The following DCAF8L2 variants were observed in gnomAD, a reference collection of about 807,000 sequenced individuals.
The protein encoded by DCAF8L2 is DDB1- and CUL4-associated factor 8-like protein 2.
For synonymous variants in DCAF8L2, 200 were observed against 190.9 expected (o/e 1.05, Z -0.39); for missense variants, 430 against 490.7 (o/e 0.88, Z 1.17).
upstream of DCAF8L2, among the ~76,000 whole-genome samples, chrX:27,586,851 A>G (rs1348562185): frequency 1.8e-5 from 2 of 111,101 alleles, no homozygotes; most frequent in African/African-American, 6.5e-5. Context: ...TTTAACCTTA[A>G]CATGATGATG....
intron 1 of DCAF8L2, among the ~76,000 whole-genome samples, chrX:27,602,828 C>T (rs1185326994): frequency 9.0e-6 from 1 of 111,102 alleles, no homozygotes; most frequent in African/African-American, 3.3e-5. Flanking sequence ...GAACTCTTCA[C>T]TAAAAAAACA....
At chrX:27,679,403 G>A (rs1368875520) in intron 3 of DCAF8L2, among the ~76,000 whole-genome samples, 1 of 111,403 alleles carries the variant, frequency 9.0e-6, no homozygotes, top group Non-Finnish European at 1.9e-5. Flanking sequence ...TTTGGCAGGA[G>A]TAAGGCACTC....
rs1156887590 is a variant in DCAF8L2 at position 27,748,755 on chromosome X, G to A, written c.1860G>A (p.Glu620=). ...ESSSTSETSE[E]EVQDRVQCMP... Reference sequence around the variant, plus strand: ...CCAGCACTTCAGAGACATCTGAGGAGGAGGTCCAAGACCGAGTGCAGTGCA... The same window carrying A: ...CCAGCACTTCAGAGACATCTGAGGAAGAGGTCCAAGACCGAGTGCAGTGCA... The change falls in exon 5 of 5, where the codon GAG becomes GAA. Residue 620 remains glutamate (E), a synonymous_variant. Transcript: ENST00000451261. 9.1e-6 allele frequency: 11 copies of A among 1,206,204 alleles called. No individual in the cohort carries two copies. Among genetic ancestry groups the A allele is most frequent in the Non-Finnish European group, 1.2e-5 (11 of 892,502 alleles).
At chrX:27,551,686 A>G in the DCAF8L2 span, among the ~76,000 whole-genome samples, 1 of 111,356 alleles carries the variant, frequency 9.0e-6, no homozygotes, top group East Asian at 2.8e-4. Flanking sequence ...TATATCAAAT[A>G]GTATTCCATT....
the DCAF8L2 span, chrX:27,518,031 T>G: frequency 9.0e-6 from 9 of 1,004,444 alleles, no homozygotes; most frequent in East Asian, 2.7e-4. Context: ...AGCAAGATGT[T>G]AAAAAAGTGA....
chrX:27,505,710 C>T, the DCAF8L2 span, among the ~76,000 whole-genome samples: 8 of 110,989 alleles, frequency 7.2e-5, no homozygotes, highest in African/African-American at 2.6e-4. Flanking sequence ...TGTCACTAGT[C>T]GATTAGGTTA....
At chrX:27,487,234 A>G in the DCAF8L2 span, among the ~76,000 whole-genome samples, 3 of 108,459 alleles carry the variant, frequency 2.8e-5, no homozygotes, top group East Asian at 2.9e-4. Flanking sequence ...GACAAGGACA[A>G]TGTCTTCTCA....
At chrX:27,512,698 A>T in the DCAF8L2 span, among the ~76,000 whole-genome samples, 1 of 99,301 alleles carries the variant, frequency 1.0e-5, no homozygotes, top group Non-Finnish European at 2.0e-5. Context: ...AAAAAAAGAC[A>T]TTCTTCACAG....
chrX:27,647,568 A>G (rs1928988984), intron 2 of DCAF8L2, among the ~76,000 whole-genome samples: 1 of 111,845 alleles, frequency 8.9e-6, no homozygotes, highest in Non-Finnish European at 1.9e-5. Flanking sequence ...ACCTAAAAAC[A>G]TAAAATAATA....
At chrX:27,692,402 G>A (rs776875849) in intron 3 of DCAF8L2, among the ~76,000 whole-genome samples, 1 of 111,852 alleles carries the variant, frequency 8.9e-6, no homozygotes, top group Non-Finnish European at 1.9e-5. Context: ...AATTTTTGGT[G>A]TCCCAATGGG....
rs1431769234 is a variant in DCAF8L2, at chrX:27,747,253, A to C, written c.358A>C (p.Ile120Leu). ...AGAAAGGGAGGAGGAAGACGAAGAG[A>C]TACAAGAGGAGGGAGGGGAGGAGGA... ...ETEREEEDEEIQEEGGEEEEE... is the reference protein window; with the variant it reads ...ETEREEEDEELQEEGGEEEEE... Residue 120 changes from isoleucine to leucine, a missense_variant, in exon 5 of 5, where the codon ATA becomes CTA. Coordinates refer to ENST00000451261, the MANE Select transcript of DCAF8L2 (RefSeq NM_001353450.2). 6 of 1,133,234 alleles carry C rather than the reference A, an allele frequency of 5.3e-6. No individual in the cohort carries two copies. Among genetic ancestry groups the C allele is most frequent in the Non-Finnish European group, 7.0e-6 (6 of 856,180 alleles). The allele number at this position is 1,133,234 out of a possible 1,213,427, so 93.4% of individuals were successfully genotyped here. A position where few individuals can be genotyped will look rare whatever the true frequency, so the allele number is the denominator to read the frequency against.
At chrX:27,547,532 G>A in the DCAF8L2 span, among the ~76,000 whole-genome samples, 1 of 112,007 alleles carries the variant, frequency 8.9e-6, no homozygotes, top group Non-Finnish European at 1.9e-5. Context: ...GAGGCCTCAG[G>A]AAACTTACAA....
chrX:27,492,687 G>A, the DCAF8L2 span, among the ~76,000 whole-genome samples: 28 of 110,700 alleles, frequency 2.5e-4, no homozygotes, highest in African/African-American at 8.8e-4. Flanking sequence ...CTCCATGTTG[G>A]TCAGGCTGGT....
chrX:27,538,287 A>G, the DCAF8L2 span, among the ~76,000 whole-genome samples: 1 of 112,229 alleles, frequency 8.9e-6, no homozygotes, highest in Non-Finnish European at 1.9e-5. Context: ...ACTCTTTGCA[A>G]TTTAATTAGT....
At chrX:27,538,456 T>C in the DCAF8L2 span, among the ~76,000 whole-genome samples, 1 of 110,690 alleles carries the variant, frequency 9.0e-6, no homozygotes, top group African/African-American at 3.3e-5. Context: ...TGCAGTGGCA[T>C]GATCTTGGCT....
At chrX:27,579,015 A>G in the DCAF8L2 span, among the ~76,000 whole-genome samples, 1 of 111,949 alleles carries the variant, frequency 8.9e-6, no homozygotes, top group Non-Finnish European at 1.9e-5. Flanking sequence ...TCAATGACCT[A>G]GAACCAGAAA....
intron 2 of DCAF8L2, among the ~76,000 whole-genome samples, chrX:27,642,470 C>T (rs1928774258): frequency 9.0e-6 from 1 of 110,937 alleles, no homozygotes; most frequent in Non-Finnish European, 1.9e-5. Flanking sequence ...ATAATTCTTT[C>T]CTAGGCTTCA....
chrX:27,746,686 G>C (rs1922182582), intron 4 of DCAF8L2, 152 bp from the exon 5 acceptor site: 1 of 390,038 alleles, frequency 2.6e-6, no homozygotes, highest in African/African-American at 2.5e-5. Context: ...CAGGTAAGAA[G>C]CTTTTTGAAC....
At chrX:27,533,166 GAAA>G in the DCAF8L2 span, among the ~76,000 whole-genome samples, 12 of 11,349 alleles carry the variant, frequency 1.1e-3, no homozygotes, top group Non-Finnish European at 2.8e-3. Flanking sequence ...GAGAGAGAGA[GAAA>G]GAAAGAAAGA....
Sources: gnomAD v4.1 joint callset for allele counts (sites outside exome capture counted in the v4.1 genomes callset) on GRCh38, gnomAD v4.1.1 for gene constraint, MANE v1.5 for transcripts, NCBI Gene and HGNC (gene_info 2026-07-23, HGNC 2026-07-21) for gene names.